The following CATSPER2 variants were observed in gnomAD, a reference collection of about 807,000 sequenced individuals.
CATSPER2 encodes the protein cation channel sperm-associated protein 2.
In CATSPER2, 56 loss-of-function variants were observed where a neutral mutation model predicts 68.8. The ratio of observed to expected loss-of-function variants is 0.81; its 90% CI spans 0.66 to 1.02. The LOEUF (loss-of-function observed/expected upper bound fraction) is 1.02, where lower values mean the gene tolerates loss of function less well. CATSPER2 is among the 50% of genes least tolerant of loss of function. The probability of loss-of-function intolerance (pLI) is 0.00; values close to 1 mark genes in which losing one functional copy is unlikely to be tolerated. For synonymous variants in CATSPER2, 198 were observed against 229.9 expected, an observed-to-expected ratio of 0.86 and a Z score of 1.26; for missense variants, 582 against 642.0, an observed-to-expected ratio of 0.91 and a Z score of 1.01.
intron 11 of CATSPER2, 126 bp downstream of exon 11, chr15:43,632,591 A>G: frequency 1.3e-6 from 2 of 1,569,348 alleles, no homozygotes; most frequent in East Asian, 4.5e-5. Context: ...AAGCAAAAAC[A>G]AAGTAATTAA....
upstream of CATSPER2, chr15:43,648,882 C>CCCGCT: frequency 6.7e-7 from 1 of 1,495,428 alleles, no homozygotes; most frequent in East Asian, 2.6e-5. Flanking sequence ...CCCGCCCCGC[C>CCCGCT]CCGCTCTCCG....
At chr15:43,644,523 G>T (rs1324709778) in intron 4 of CATSPER2, among the ~76,000 whole-genome samples, 1 of 151,912 alleles carries the variant, frequency 6.6e-6, no homozygotes, top group African/African-American at 2.4e-5. Flanking sequence ...CTACGGACTG[G>T]TACCAGTCCA....
intron 6 of CATSPER2, chr15:43,639,331 G>T: frequency 4.4e-6 from 2 of 451,170 alleles, no homozygotes; most frequent in East Asian, 4.8e-5. Flanking sequence ...TGCAACTTCC[G>T]CCTCCCGGGT....
rs2086199602 is a variant in CATSPER2 at position 43,647,904 on chromosome 15, A to C, written c.145+13T>G. ...GTCTTAAATTTAAATTAGTGAAGAA[A>C]TAGGCTGCTGACCAAGTAACTCCCT... is the stretch of plus-strand genomic sequence containing the variant. On this transcript the variant is annotated intron_variant, in intron 2 of 12. Coordinates refer to ENST00000396879, the MANE Select transcript of CATSPER2 (RefSeq NM_172095.4). 1 of 1,613,078 alleles carries C rather than the reference A, an allele frequency of 6.2e-7. No homozygotes were observed. Among genetic ancestry groups the C allele is most frequent in the East Asian group, 2.2e-5 (1 of 44,858 alleles).
At chr15:43,635,339 G>A (rs1418391188) in intron 10 of CATSPER2, 21 bp downstream of exon 10, 1 of 1,596,308 alleles carries the variant, frequency 6.3e-7, no homozygotes, top group Non-Finnish European at 8.6e-7. Context: ...TTCTATCCCA[G>A]TTCACATACA....
chr15:43,635,399 TG>T lies in CATSPER2; in HGVS notation c.1138del (p.His380MetfsTer4), dbSNP rs748523696. The T allele has an allele frequency of 6.2e-7, 1 of 1,609,454 alleles. No individual in the cohort carries two copies. The highest frequency in any genetic ancestry group is 1.3e-5 in the African/African-American group (1 of 74,462). On this transcript the variant is annotated frameshift_variant, in exon 10 of 13. Coordinates refer to ENST00000396879, the MANE Select transcript of CATSPER2 (RefSeq NM_172095.4). LOFTEE classifies it high-confidence loss of function. ...QIIQRRKNMS[H>X]EALTSSHSKI... is the part of the protein sequence containing the mutation. ...GCTATGGCTTGACGTCAGTGCTTCA[TG>T]TGACATGTTTTTTCTCCTGCAGAGC...
chr15:43,644,366 A>T (rs1237602685), intron 4 of CATSPER2, among the ~76,000 whole-genome samples: 1 of 152,018 alleles, frequency 6.6e-6, no homozygotes, highest in Admixed American at 6.5e-5. Flanking sequence ...GGAGCTTGCC[A>T]GGTAATTTCT....
intron 9 of CATSPER2, 80 bp downstream of exon 9, chr15:43,635,646 TG>T: frequency 7.6e-7 from 1 of 1,320,974 alleles, no homozygotes; most frequent in Non-Finnish European, 1.1e-6. Flanking sequence ...AAGGGAAAAG[TG>T]GGGTCGAGAA....
At position 43,632,935 on chromosome 15, in the gene CATSPER2, C is replaced by T; in HGVS notation, c.1179-1G>A. The T allele has an allele frequency of 6.3e-7, 1 of 1,586,838 alleles. No individual in the cohort carries two copies. The highest frequency in any genetic ancestry group is 8.6e-7 in the Non-Finnish European group (1 of 1,157,580). On this transcript the variant is annotated splice_acceptor_variant, in intron 10 of 12. Coordinates refer to ENST00000396879, the MANE Select transcript of CATSPER2 (RefSeq NM_172095.4). LOFTEE classifies it high-confidence loss of function. ...CCTTTGTTGACTAGCTCCTCTTGAACTTAAAGAAGAAATTTATGGCTTCAC... is the reference window on the plus strand; with the variant it reads ...CCTTTGTTGACTAGCTCCTCTTGAATTTAAAGAAGAAATTTATGGCTTCAC...
intron 5 of CATSPER2, chr15:43,640,110 G>A (rs1419218997): frequency 6.9e-7 from 1 of 1,438,972 alleles, no homozygotes; most frequent in Non-Finnish European, 9.1e-7. Context: ...ACCGGCAGAT[G>A]CTCTTGTTGG....
At position 43,647,349 on chromosome 15, in the gene CATSPER2, A is replaced by G. The variant is rs1416144868; in HGVS notation, c.264T>C (p.His88=). The G allele has an allele frequency of 6.2e-7, 1 of 1,612,808 alleles. No individual in the cohort carries two copies. The highest frequency in any genetic ancestry group is 1.3e-5 in the African/African-American group (1 of 74,810). ...GAGGTGGCCTCTGACTGCAGCGCAC[A>G]TGAAGCCTGCTCAACAGCCTCTGGG... ...SHAQRLLSRL[H]VRCSQRPPLS... Residue 88 remains histidine, a synonymous_variant, in exon 3 of 13, where the codon CAT becomes CAC. Coordinates refer to ENST00000396879, the MANE Select transcript of CATSPER2 (RefSeq NM_172095.4).
Position 43,639,002 on chromosome 15 carries a change from C to A in CATSPER2, c.744G>T (p.Leu248=). Residue 248 remains leucine (L), a synonymous_variant, in exon 7 of 13, where the codon CTG becomes CTT. Transcript: ENST00000396879. ...CAGCAAAAATGTAGAAGAAGATGAG[C>A]AGCAACATCAAGAGGAAGGTCATGC... is the stretch of plus-strand genomic sequence containing the variant. ...LKSMTFLLML[L]LIFFYIFAVT... The A allele has an allele frequency of 3.7e-6, 6 of 1,612,716 alleles. No individual in the cohort carries two copies. The highest frequency in any genetic ancestry group is 5.1e-6 in the Non-Finnish European group (6 of 1,179,274).
chr15:43,647,866 G>A lies in CATSPER2; in HGVS notation c.145+51C>T, dbSNP rs1416664961. 8 of 1,585,768 alleles carry A rather than the reference G, an allele frequency of 5.0e-6. No individual in the cohort carries two copies. The East Asian group carries it at 8.9e-5, about 18-fold the overall frequency. Reference sequence around the variant, plus strand: ...GAATTTTCCACTCTTAAATGTAGAGGATGTGGATAGGAGTCTTAAATTTAA... The same window carrying A: ...GAATTTTCCACTCTTAAATGTAGAGAATGTGGATAGGAGTCTTAAATTTAA... On this transcript the variant is annotated intron_variant, in intron 2 of 12. Coordinates refer to ENST00000396879, the MANE Select transcript of CATSPER2 (RefSeq NM_172095.4).
chr15:43,639,530 G>A lies in CATSPER2; in HGVS notation c.717+113C>T, dbSNP rs1254649399. 2.5e-6 allele frequency: 4 copies of A among 1,571,106 alleles called. No homozygotes were observed. In the African/African-American group the frequency reaches 5.5e-5, roughly 22 times the overall value. On this transcript the variant is annotated intron_variant, in intron 6 of 12. Transcript: ENST00000396879. ...CCCATCCCCCTCGGCTTCCCAAAGT[G>A]CTGGGATTACAGGCGTGAGCCACCG...
chr15:43,643,656 A>C lies in CATSPER2; in HGVS notation c.389-3160T>G, dbSNP rs533067724. ...CAGCCAGCAATACAATTTCATGAAGAGCATTAAGAATGATAATTCTGCAAG... is the reference window on the plus strand; with the variant it reads ...CAGCCAGCAATACAATTTCATGAAGCGCATTAAGAATGATAATTCTGCAAG... On this transcript the variant is annotated intron_variant, in intron 4 of 12. Transcript: ENST00000396879. Among the ~76,000 whole-genome samples, 18 of 151,998 alleles carry C rather than the reference A, an allele frequency of 1.2e-4. 1 individual carries two copies. The highest frequency in any genetic ancestry group is 2.5e-4 in the Non-Finnish European group (17 of 67,934).
At chr15:43,631,348 A>C (rs1043768257) in intron 12 of CATSPER2, 1 of 184,938 alleles carries the variant, frequency 5.4e-6, no homozygotes. Flanking sequence ...CTCATGCCTC[A>C]GCCTCCCGAG....
At chr15:43,632,955 C>G in intron 10 of CATSPER2, 21 bp from the exon 11 acceptor site, 3 of 1,568,208 alleles carry the variant, frequency 1.9e-6, no homozygotes, top group Non-Finnish European at 1.7e-6. Context: ...AAATTTATGG[C>G]TTCACAAACA....
chr15:43,640,639 T>C (rs1318301943), intron 4 of CATSPER2, 143 bp from the exon 5 acceptor site: 2 of 1,095,954 alleles, frequency 1.8e-6, no homozygotes, highest in African/African-American at 3.2e-5. Flanking sequence ...GAGTTTCTCT[T>C]CTTAACACTG....
Position 43,638,936 on chromosome 15 carries a change from A to G in CATSPER2, c.810T>C (p.Pro270=). The stretch of plus-strand genomic sequence containing the variant: ...ACACATGGTACTCCAGGTCCTGACG[A>G]GGTGAACGGGTGTACTCTGAGAAGA... ...VYVFSEYTRS[P]RQDLEYHVFF... Residue 270 remains proline, a synonymous_variant, in exon 7 of 13, where the codon CCT becomes CCC. Transcript: ENST00000396879. The G allele has an allele frequency of 6.2e-7, 1 of 1,613,126 alleles. No individual in the cohort carries two copies. Among genetic ancestry groups the G allele is most frequent in the Non-Finnish European group, 8.5e-7 (1 of 1,179,504 alleles).
Sources: gnomAD v4.1 joint callset for allele counts (sites outside exome capture counted in the v4.1 genomes callset) on GRCh38, gnomAD v4.1.1 for gene constraint, MANE v1.5 for transcripts, NCBI Gene and HGNC (gene_info 2026-07-23, HGNC 2026-07-21) for gene names.